The following PMM1 variants were observed in gnomAD, a reference collection of about 807,000 sequenced individuals.
PMM1 encodes the protein brain glucose-1,6-bisphosphatase.
PMM1 carries 25 observed loss-of-function variants against 34.0 expected under a neutral mutation model. That is an observed-to-expected ratio of 0.73 (90% CI 0.54 to 1.03). The LOEUF is 1.03. Ranked by LOEUF, PMM1 falls within the 50% of genes least tolerant of loss-of-function variation. The probability of loss-of-function intolerance (pLI) is 0.00; values close to 1 mark genes in which losing one functional copy is unlikely to be tolerated. For synonymous variants in PMM1, 134 were observed against 143.9 expected (o/e 0.93, Z 0.49); for missense variants, 321 against 350.1 (o/e 0.92, Z 0.66).
chr22:41,589,748 C>T lies in PMM1; in HGVS notation c.58G>A (p.Val20Met). The change falls in exon 1 of 8, where the codon GTG becomes ATG. Residue 20 changes from valine (V) to methionine (M), a missense_variant. Physicochemically the swap from Val to Met is conservative, Grantham distance 21 (BLOSUM62 1). Transcript: ENST00000216259. Reference sequence around the variant, plus strand: ...CGAGCCGGCGTGAGGGTCCCGTCCACGTCAAACAGGCAGAGGACGCGCTCC... The same window carrying T: ...CGAGCCGGCGTGAGGGTCCCGTCCATGTCAAACAGGCAGAGGACGCGCTCC... ...RKERVLCLFD[V>M]DGTLTPARQK... 1 of 1,612,096 alleles carries T rather than the reference C, an allele frequency of 6.2e-7. No homozygotes were observed. The highest frequency in any genetic ancestry group is 8.5e-7 in the Non-Finnish European group (1 of 1,179,600).
intron 2 of PMM1, 104 bp from the exon 3 acceptor site, chr22:41,584,707 T>C: frequency 1.3e-6 from 1 of 760,784 alleles, no homozygotes; most frequent in South Asian, 1.7e-5. Context: ...TGGTTTCACA[T>C]TCAAAGGCCA....
At position 41,589,766 on chromosome 22, in the gene PMM1, C is replaced by A; in HGVS notation, c.40G>T (p.Val14Phe). The A allele has an allele frequency of 6.2e-7, 1 of 1,611,294 alleles. No individual in the cohort carries two copies. The highest frequency in any genetic ancestry group is 1.3e-5 in the African/African-American group (1 of 75,042). The change falls in exon 1 of 8, where the codon GTC (valine) becomes TTC (phenylalanine). Residue 14 changes from valine to phenylalanine, a missense_variant. Val to Phe is a conservative substitution (Grantham distance 50). Transcript: ENST00000216259. Reference sequence around the variant, plus strand: ...CCGTCCACGTCAAACAGGCAGAGGACGCGCTCCTTCCTGCGGGCTGCCTGG... The same window carrying A: ...CCGTCCACGTCAAACAGGCAGAGGAAGCGCTCCTTCCTGCGGGCTGCCTGG... ...TAQAARRKER[V>F]LCLFDVDGTL...
intron 2 of PMM1, among the ~76,000 whole-genome samples, chr22:41,585,603 T>A (rs1351676592): frequency 6.6e-6 from 1 of 152,124 alleles, no homozygotes; most frequent in Non-Finnish European, 1.5e-5. Context: ...GCGATTCTCC[T>A]GCCTCAGCCT....
chr22:41,577,114 G>C lies in PMM1; in HGVS notation c.*204C>G, dbSNP rs2067182390. On this transcript the variant is annotated 3_prime_UTR_variant, in exon 8 of 8. Transcript: ENST00000216259. Reference sequence around the variant, plus strand: ...CCAGGTGGAGCATGGGGAACACTCTGGGCCCTGGGAGGACGAAGCCAGTGC... The same window carrying C: ...CCAGGTGGAGCATGGGGAACACTCTCGGCCCTGGGAGGACGAAGCCAGTGC... 1.6e-6 allele frequency: 1 copy of C among 640,670 alleles called. No homozygotes were observed. Among genetic ancestry groups the C allele is most frequent in the Admixed American group, 2.5e-5 (1 of 39,368 alleles). The allele number at this position is 640,670 out of a possible 1,614,324, so 39.7% of individuals were successfully genotyped here. A position where few individuals can be genotyped will look rare whatever the true frequency, so the allele number is the denominator to read the frequency against.
intron 3 of PMM1, 57 bp from the exon 4 acceptor site, chr22:41,584,429 G>T: frequency 6.4e-7 from 1 of 1,568,284 alleles, no homozygotes; most frequent in Non-Finnish European, 8.8e-7. Flanking sequence ...CCTGAGACAG[G>T]CACAGTGTCT....
At position 41,589,792 on chromosome 22, in the gene PMM1, G is replaced by A; in HGVS notation, c.14C>T (p.Ala5Val). 1 of 1,607,862 alleles carries A rather than the reference G, an allele frequency of 6.2e-7. No individual in the cohort carries two copies. Among genetic ancestry groups the A allele is most frequent in the South Asian group, 1.1e-5 (1 of 89,914 alleles). The change falls in exon 1 of 8, where the codon GCC (alanine) becomes GTC (valine). Residue 5 changes from alanine (A) to valine (V), a missense_variant. Transcript: ENST00000216259. MAVT[A>V]QAARRKERVL... ...GCGCTCCTTCCTGCGGGCTGCCTGG[G>A]CGGTGACTGCCATGGCTGCAGGTCC...
At chr22:41,586,991 T>C (rs909635901) in intron 1 of PMM1, among the ~76,000 whole-genome samples, 39 of 130,418 alleles carry the variant, frequency 3.0e-4, no homozygotes, top group African/African-American at 1.0e-3. Flanking sequence ...AAATTGGCCA[T>C]GCGCGGTGGC....
At position 41,584,294 on chromosome 22, in the gene PMM1, G is replaced by A; in HGVS notation, c.361C>T (p.Leu121=). 1 of 1,614,068 alleles carries A rather than the reference G, an allele frequency of 6.2e-7. No individual in the cohort carries two copies. Among genetic ancestry groups the A allele is most frequent in the East Asian group, 2.2e-5 (1 of 44,888 alleles). ...GTGGGACCTCACCGCTTCTTGGGCAGCCTGAGCAGGGCCATGTAGCTGAGG... is the reference window on the plus strand; with the variant it reads ...GTGGGACCTCACCGCTTCTTGGGCAACCTGAGCAGGGCCATGTAGCTGAGG... The part of the protein sequence containing the change: ...FCLSYMALLR[L]PKKRGTFIEF... The change falls in exon 4 of 8, where the codon CTG becomes TTG. Residue 121 remains leucine (L), a synonymous_variant. Transcript: ENST00000216259.
chr22:41,589,066 A>G (rs2067346984), intron 1 of PMM1: 1 of 1,301,162 alleles, frequency 7.7e-7, no homozygotes, highest in Non-Finnish European at 1.0e-6. Context: ...ACTATTCCTC[A>G]GTGTCCTCAC....
chr22:41,578,608 T>G (rs968326343), intron 6 of PMM1, among the ~76,000 whole-genome samples, 198 bp downstream of exon 6: 13 of 152,020 alleles, frequency 8.6e-5, no homozygotes. Flanking sequence ...CGTTTACCTC[T>G]GAGGTATGAG....
chr22:41,588,522 T>G, intron 1 of PMM1: 14 of 403,612 alleles, frequency 3.5e-5, no homozygotes, highest in Non-Finnish European at 4.7e-5. Context: ...CCCAGCCTAA[T>G]TTTTGTATTT....
At chr22:41,583,700 T>C (rs1601491933) in intron 5 of PMM1, among the ~76,000 whole-genome samples, 1 of 151,814 alleles carries the variant, frequency 6.6e-6, no homozygotes, top group Non-Finnish European at 1.5e-5. Context: ...CCGATGTGGG[T>C]GGGAAGGTGG....
intron 2 of PMM1, chr22:41,584,942 C>T (rs1256998802): frequency 8.8e-6 from 2 of 228,528 alleles, no homozygotes; most frequent in African/African-American, 2.3e-5. Context: ...GCATCATTTC[C>T]ACTCTGTGCT....
At position 41,586,107 on chromosome 22, in the gene PMM1, C is replaced by G. The variant is rs1247343362; in HGVS notation, c.174G>C (p.Lys58Asn). The change falls in exon 2 of 8, where the codon AAG (lysine) becomes AAC (asparagine). Residue 58 changes from lysine to asparagine, a missense_variant. By Grantham distance (94) the Lys-to-Asn change is moderately conservative. Coordinates refer to ENST00000216259, the MANE Select transcript of PMM1 (RefSeq NM_002676.3). ...CCCCGTCACCCAGCTGCTCAGCGAT[C>G]TTACAGTAGTCAGAGCCGCCCACCA... ...IGVVGGSDYC[K>N]IAEQLGDGDE... 1.9e-6 allele frequency: 3 copies of G among 1,611,084 alleles called. No homozygotes were observed. The highest frequency in any genetic ancestry group is 2.5e-6 in the Non-Finnish European group (3 of 1,178,872).
At chr22:41,588,945 G>T in intron 1 of PMM1, 1 of 1,122,238 alleles carries the variant, frequency 8.9e-7, no homozygotes, top group Non-Finnish European at 1.2e-6. Flanking sequence ...CAGCTGGTGA[G>T]GGGGCTTTTG....
chr22:41,578,991 C>A (rs1018938801), intron 5 of PMM1, 110 bp from the exon 6 acceptor site: 9 of 877,692 alleles, frequency 1.0e-5, no homozygotes, highest in Non-Finnish European at 1.7e-5. Context: ...GGGTAGGACC[C>A]CCAACTGTGC....
chr22:41,586,774 G>A (rs926264814), intron 1 of PMM1, among the ~76,000 whole-genome samples: 3 of 150,684 alleles, frequency 2.0e-5, no homozygotes, highest in Admixed American at 1.3e-4. Context: ...CTCCCAAAGT[G>A]CTGGGATTAT....
intron 2 of PMM1, chr22:41,585,260 G>C (rs992238435): frequency 6.6e-6 from 1 of 152,170 alleles, no homozygotes; most frequent in African/African-American, 2.4e-5. Flanking sequence ...GGAAGTTTCT[G>C]GCTTGAGGAA....
intron 5 of PMM1, among the ~76,000 whole-genome samples, chr22:41,581,625 G>A (rs957100029): frequency 1.3e-5 from 2 of 151,994 alleles, no homozygotes; most frequent in Non-Finnish European, 2.9e-5. Context: ...AGGTTGAGGT[G>A]GGTGGATTGC....
Sources: gnomAD v4.1 joint callset for allele counts (sites outside exome capture counted in the v4.1 genomes callset) on GRCh38, gnomAD v4.1.1 for gene constraint, MANE v1.5 for transcripts, NCBI Gene and HGNC (gene_info 2026-07-23, HGNC 2026-07-21) for gene names.